Variants in RFPL1 observed in about 807,000 individuals in gnomAD.
RFPL1 encodes the protein ret finger protein-like 1.
In RFPL1, 6 loss-of-function variants were observed where a neutral mutation model predicts 9.6. That is an observed-to-expected ratio of 0.62 (90% confidence interval 0.34 to 1.23). The LOEUF is 1.23. Ranked by LOEUF, RFPL1 falls within the 50% of genes most tolerant of loss-of-function variation. The pLI, the probability that RFPL1 is intolerant of heterozygous loss-of-function variation, is 0.03. For missense variants in RFPL1, 352 were observed against 398.4 expected (o/e 0.88, Z 0.99); for synonymous variants, 145 against 149.4 (o/e 0.97, Z 0.22).
In RFPL1 at chr22:29,439,189, C is replaced by G. The variant is rs756916736; in HGVS notation, c.373+25C>G. The G allele has an allele frequency of 3.1e-6, 5 of 1,601,990 alleles. No homozygotes were observed. In the East Asian group the frequency reaches 8.9e-5, roughly 29 times the overall value. On this transcript the variant is annotated intron_variant, in intron 1 of 1. Coordinates refer to ENST00000354373, the Ensembl canonical transcript of RFPL1. ...GGTGAGGGATCTGTATACACTGCCC[C>G]CTTCCTACGACCAGACCAGGAAAAA...
the RFPL1 span, among the ~76,000 whole-genome samples, chr22:29,419,861 A>G: frequency 6.6e-6 from 1 of 152,068 alleles, no homozygotes. Flanking sequence ...GGATTGAAGC[A>G]ACAGGAACCA....
the RFPL1 span, among the ~76,000 whole-genome samples, chr22:29,410,318 A>C: frequency 2.9e-4 from 16 of 54,734 alleles, no homozygotes; most frequent in East Asian, 3.4e-3. Context: ...ATATATAGAT[A>C]TATATATGTA....
chr22:29,419,813 A>AAAG, the RFPL1 span, among the ~76,000 whole-genome samples: 1 of 151,710 alleles, frequency 6.6e-6, no homozygotes, highest in East Asian at 1.9e-4. Context: ...AAAAAAAAAA[A>AAAG]AAAGAAAAGA....
At chr22:29,426,449 C>T in the RFPL1 span, among the ~76,000 whole-genome samples, 3 of 151,402 alleles carry the variant, frequency 2.0e-5, no homozygotes, top group African/African-American at 7.3e-5. Flanking sequence ...TTCAGACAAC[C>T]GTATAAAAGA....
At chr22:29,435,732 C>T (rs560587761), upstream of RFPL1, among the ~76,000 whole-genome samples, 2 of 152,022 alleles carry the variant, frequency 1.3e-5, no homozygotes, top group Admixed American at 6.6e-5. Context: ...AGAAAAAAAT[C>T]TTTATTTAAT....
the RFPL1 span, among the ~76,000 whole-genome samples, chr22:29,429,599 C>A: frequency 3.9e-5 from 6 of 152,028 alleles, no homozygotes; most frequent in Non-Finnish European, 5.9e-5. Context: ...ATATAACCTA[C>A]CAAGATTGAA....
At chr22:29,442,253 T>G (rs2062844846) in exon 2 of RFPL1, 2 of 591,950 alleles carry the variant, frequency 3.4e-6, no homozygotes, top group Non-Finnish European at 2.8e-6. Context: ...ATGATTATAC[T>G]TAATCTAATT....
At chr22:29,394,973 C>T in the RFPL1 span, among the ~76,000 whole-genome samples, 2 of 152,246 alleles carry the variant, frequency 1.3e-5, no homozygotes, top group Admixed American at 6.5e-5. Context: ...CGTGCGGTCT[C>T]GTGAAATGAC....
chr22:29,410,532 A>C, the RFPL1 span, among the ~76,000 whole-genome samples: 1 of 120,950 alleles, frequency 8.3e-6, no homozygotes, highest in East Asian at 2.3e-4. Context: ...AGATATATAT[A>C]TCTACTATAT....
At chr22:29,421,901 A>G in the RFPL1 span, among the ~76,000 whole-genome samples, 5 of 152,160 alleles carry the variant, frequency 3.3e-5, no homozygotes, top group African/African-American at 1.2e-4. Context: ...TCCACTGCAC[A>G]TGGTAGGTTC....
At chr22:29,390,202 T>C in the RFPL1 span, among the ~76,000 whole-genome samples, 1 of 152,236 alleles carries the variant, frequency 6.6e-6, no homozygotes, top group South Asian at 2.1e-4. Flanking sequence ...TGGATGGTAC[T>C]GCTAATCTCA....
the RFPL1 span, among the ~76,000 whole-genome samples, chr22:29,422,743 C>CA: frequency 2.0e-5 from 3 of 151,308 alleles, no homozygotes; most frequent in Non-Finnish European, 4.4e-5. Flanking sequence ...AACTCCATCT[C>CA]AAAAAAAAGA....
chr22:29,427,170 G>A, the RFPL1 span, among the ~76,000 whole-genome samples: 1,222 of 152,352 alleles, frequency 8.0e-3, 16 homozygotes, highest in African/African-American at 0.028. Flanking sequence ...AGGCACCTGT[G>A]CTGGAAACAC....
chr22:29,422,105 T>C, the RFPL1 span, among the ~76,000 whole-genome samples: 22 of 152,322 alleles, frequency 1.4e-4, no homozygotes, highest in African/African-American at 5.1e-4. Flanking sequence ...ATTTGTCAGC[T>C]ACGACAACAT....
the RFPL1 span, among the ~76,000 whole-genome samples, chr22:29,422,764 C>T: frequency 6.6e-6 from 1 of 151,770 alleles, no homozygotes; most frequent in African/African-American, 2.4e-5. Flanking sequence ...AAAACATGTG[C>T]CGTTGGATAA....
rs778956504 is a variant in RFPL1 at position 29,438,814 on chromosome 22, CAACT to C, written c.27_30del (p.Asn10GlyfsTer37). The C allele has an allele frequency of 5.0e-6, 8 of 1,613,782 alleles. No individual in the cohort carries two copies. Among genetic ancestry groups the C allele is most frequent in the East Asian group, 4.5e-5 (2 of 44,886 alleles). ...TGCATGAAAAGGTTGTCACTTGTCA[CAACT>C]AACAGGCTTTCACCTCACGGAAATT... On this transcript the variant is annotated frameshift_variant, in exon 1 of 2. Coordinates refer to ENST00000354373, the Ensembl canonical transcript of RFPL1. LOFTEE classifies it high-confidence loss of function.
the RFPL1 span, among the ~76,000 whole-genome samples, chr22:29,406,965 A>G: frequency 3.9e-5 from 6 of 152,188 alleles, no homozygotes; most frequent in East Asian, 1.9e-4. Context: ...AACTCAGTAA[A>G]TGCTATGTCA....
chr22:29,425,193 G>C, the RFPL1 span, among the ~76,000 whole-genome samples: 2 of 124,870 alleles, frequency 1.6e-5, no homozygotes, highest in Non-Finnish European at 3.2e-5. Context: ...GACGGAGCGA[G>C]ACTCCGTCTC....
At chr22:29,438,956 T>C (rs570952335) in exon 1 of RFPL1, 2 of 1,613,958 alleles carry the variant, frequency 1.2e-6, no homozygotes, top group East Asian at 4.5e-5. Context: ...CCCTGGAGTG[T>C]GGATGCGCTG....
Sources: allele counts gnomAD v4.1 joint callset (sites outside exome capture counted in the v4.1 genomes callset), GRCh38; gene constraint gnomAD v4.1.1; transcripts MANE v1.5; gene names NCBI Gene and HGNC (gene_info 2026-07-23, HGNC 2026-07-21).